Variants in TAS1R2 observed in about 807,000 individuals in gnomAD.
The protein encoded by TAS1R2 is taste 1 receptor member 2, also known as taste receptor type 1 member 2.
Under a neutral mutation model 49.3 loss-of-function variants are expected in TAS1R2, and 47 were observed. The ratio of observed to expected loss-of-function variants is 0.95; its 90% CI spans 0.75 to 1.22. The LOEUF is 1.22. TAS1R2 is among the 50% of genes most tolerant of loss of function. The pLI, the probability that TAS1R2 is intolerant of heterozygous loss-of-function variation, is 0.00. For synonymous variants in TAS1R2, 479 were observed against 467.9 expected, an observed-to-expected ratio of 1.02 and a Z score of -0.31; for missense variants, 1,155 against 1,122.1, an observed-to-expected ratio of 1.03 and a Z score of -0.42.
At chr1:18,855,597 G>A (rs1440241442) in intron 2 of TAS1R2, among the ~76,000 whole-genome samples, 1 of 152,116 alleles carries the variant, frequency 6.6e-6, no homozygotes, top group Non-Finnish European at 1.5e-5. Flanking sequence ...GTCCCATCCA[G>A]CCTCATGGCT....
intron 4 of TAS1R2, among the ~76,000 whole-genome samples, chr1:18,844,908 T>C (rs755925737): frequency 2.2e-4 from 34 of 152,326 alleles, no homozygotes; most frequent in South Asian, 4.1e-4. Flanking sequence ...CTTCCTCTCA[T>C]CATGGCTGAC....
At chr1:18,840,118 G>A (rs202082109) in exon 6 of TAS1R2, 160 of 1,614,242 alleles carry the variant, frequency 9.9e-5, no homozygotes, top group African/African-American at 6.0e-4. Flanking sequence ...AGCTGTAGGC[G>A]CGTGGGAAGC....
chr1:18,857,778 C>G (rs1557600899), intron 1 of TAS1R2, 147 bp from the exon 2 acceptor site: 6 of 856,202 alleles, frequency 7.0e-6, no homozygotes, highest in Non-Finnish European at 1.1e-5. Context: ...GGCATTTTCA[C>G]CATGTCATTG....
rs1182258565 is a variant in TAS1R2, at chr1:18,854,951, G to A, written c.519C>T (p.Asp173=). 6 of 1,607,278 alleles carry A rather than the reference G, an allele frequency of 3.7e-6. No homozygotes were observed. Among genetic ancestry groups the A allele is most frequent in the South Asian group, 1.1e-5 (1 of 91,020 alleles). ...GCAGCAAAGCCGGGAAGCGCACCTT[G>A]TCTCGCAGCTCATCGCTGATGGCGC... Residue 173 remains aspartate, a synonymous_variant, in exon 3 of 6, where the codon GAC becomes GAT. Coordinates refer to ENST00000375371, the Ensembl canonical transcript of TAS1R2. This position sits in a 1 kb window ranked among gnomAD's most constrained non-coding sequence, Gnocchi z 4.9.
At chr1:18,852,610 G>T (rs4920564) in intron 3 of TAS1R2, among the ~76,000 whole-genome samples, 109,301 of 152,026 alleles carry the variant, frequency 0.72, 40,326 homozygotes, top group East Asian at 0.96. Context: ...CTCTATGAAC[G>T]CCTGCTGCCT....
exon 6 of TAS1R2, chr1:18,839,905 G>C (rs778363756): frequency 3.1e-6 from 5 of 1,614,252 alleles, no homozygotes; most frequent in Non-Finnish European, 4.2e-6. Flanking sequence ...CCACCACTGA[G>C]AGCAGCAGGT....
intron 4 of TAS1R2, among the ~76,000 whole-genome samples, chr1:18,848,786 G>T (rs1933968107): frequency 6.6e-6 from 1 of 152,190 alleles, no homozygotes; most frequent in Non-Finnish European, 1.5e-5. Flanking sequence ...ATCTGTTACT[G>T]TCTCCCATCA....
At position 18,854,117 on chromosome 1, in the gene TAS1R2, A is replaced by T; in HGVS notation, c.1257+96T>A. 8.0e-7 allele frequency: 1 copy of T among 1,242,772 alleles called. No homozygotes were observed. Among genetic ancestry groups the T allele is most frequent in the Non-Finnish European group, 1.1e-6 (1 of 899,208 alleles). 77.0% of individuals were successfully genotyped at this position (1,242,772 alleles called of 1,614,324 possible). A position where few individuals can be genotyped will look rare whatever the true frequency, so the allele number is the denominator to read the frequency against. On this transcript the variant is annotated intron_variant, in intron 3 of 5. Transcript: ENST00000375371. This position sits in a 1 kb window ranked among gnomAD's most constrained non-coding sequence, Gnocchi z 4.9. The stretch of plus-strand genomic sequence containing the variant: ...AGGACTAGTGCTATGTGTCTGGAAG[A>T]ATGGGATACTCATGCCCTTTCACAC...
chr1:18,846,337 G>C (rs1933920203), intron 4 of TAS1R2, among the ~76,000 whole-genome samples: 1 of 152,198 alleles, frequency 6.6e-6, no homozygotes, highest in Non-Finnish European at 1.5e-5. Flanking sequence ...TCTTCGGGAG[G>C]TCCCAGTAAG....
chr1:18,854,784 C>T lies in TAS1R2; in HGVS notation c.686G>A (p.Arg229Gln), dbSNP rs779107865. ...CTGGAAGGCGATGCAGATGTCGCGC[C>T]GGGCCACGCGCTCGCCAAGCAGCTG... The change falls in exon 3 of 6, where the codon CGG becomes CAG. Residue 229 changes from arginine to glutamine, a missense_variant. Physicochemically the swap from Arg to Gln is conservative, Grantham distance 43 (BLOSUM62 1). Coordinates refer to ENST00000375371, the Ensembl canonical transcript of TAS1R2. This position sits in a 1 kb window ranked among gnomAD's most constrained non-coding sequence, Gnocchi z 4.9. 100 of 1,605,662 alleles carry T rather than the reference C, an allele frequency of 6.2e-5. No homozygotes were observed. The highest frequency in any genetic ancestry group is 2.4e-4 in the Admixed American group (14 of 59,538).
intron 3 of TAS1R2, among the ~76,000 whole-genome samples, chr1:18,850,899 G>C (rs757882604): frequency 6.6e-6 from 1 of 152,146 alleles, no homozygotes; most frequent in South Asian, 2.1e-4. Context: ...GCCAGCACTC[G>C]GTGTCAGAGA....
intron 2 of TAS1R2, 69 bp from the exon 3 acceptor site, chr1:18,855,055 A>C (rs1934115491): frequency 6.5e-7 from 1 of 1,543,152 alleles, no homozygotes. Context: ...CCAGGGCTCT[A>C]TCCACCATCA....
intron 2 of TAS1R2, among the ~76,000 whole-genome samples, chr1:18,855,848 G>A (rs1009971915): frequency 2.0e-4 from 31 of 151,960 alleles, no homozygotes; most frequent in Admixed American, 1.8e-3. Context: ...CTCTTCTTTC[G>A]CACACAGGTC....
intron 1 of TAS1R2, chr1:18,858,481 CCATCAT>C (rs966382673): frequency 1.3e-5 from 2 of 152,374 alleles, no homozygotes; most frequent in African/African-American, 4.8e-5. Context: ...AAAACCATCA[CCATCAT>C]CAACGCAACC....
intron 2 of TAS1R2, among the ~76,000 whole-genome samples, chr1:18,855,240 C>T (rs144390192): frequency 0.013 from 1,946 of 150,324 alleles, 26 homozygotes; most frequent in Middle Eastern, 0.031. Context: ...GTGTACCACA[C>T]CCTGGGCCAA....
chr1:18,853,465 G>A (rs1934067908), intron 3 of TAS1R2, among the ~76,000 whole-genome samples: 1 of 152,116 alleles, frequency 6.6e-6, no homozygotes, highest in Non-Finnish European at 1.5e-5. Context: ...GAATGAGAGA[G>A]AGAATTTCTT....
intron 4 of TAS1R2, among the ~76,000 whole-genome samples, chr1:18,848,544 C>T (rs57245419): frequency 0.17 from 24,331 of 144,048 alleles, 2,353 homozygotes; most frequent in Middle Eastern, 0.27. Flanking sequence ...CAGTACCAGT[C>T]TGTGGCCTGT....
intron 3 of TAS1R2, among the ~76,000 whole-genome samples, chr1:18,849,791 T>C (rs1933989115): frequency 6.6e-6 from 1 of 152,238 alleles, no homozygotes; most frequent in South Asian, 2.1e-4. Flanking sequence ...CTTGGGCCTG[T>C]TTCTTAACCT....
intron 1 of TAS1R2, among the ~76,000 whole-genome samples, chr1:18,858,818 C>T (rs1366249720): frequency 6.6e-6 from 1 of 152,212 alleles, no homozygotes; most frequent in African/African-American, 2.4e-5. Flanking sequence ...ATAAATGATG[C>T]ATTTCTCATA....
Sources: gnomAD v4.1 joint callset for allele counts (sites outside exome capture counted in the v4.1 genomes callset) on GRCh38, gnomAD v4.1.1 for gene constraint, Gnocchi (gnomAD v3.1) non-coding constraint, MANE v1.5 for transcripts, NCBI Gene and HGNC (gene_info 2026-07-23, HGNC 2026-07-21) for gene names.